NFIA: variants seen among roughly 807,000 people sequenced by gnomAD.
NFIA encodes nuclear factor I A.
In NFIA, 8 loss-of-function variants were observed where a neutral mutation model predicts 62.8. The ratio of observed to expected loss-of-function variants is 0.13; its 90% CI spans 0.07 to 0.23. The LOEUF (loss-of-function observed/expected upper bound fraction) is 0.23, where lower values mean the gene tolerates loss of function less well. Among genes scored for constraint, NFIA ranks in the 10% least tolerant of loss-of-function variants. The probability of loss-of-function intolerance (pLI) is 1.00; values close to 1 mark genes in which losing one functional copy is unlikely to be tolerated. For missense variants in NFIA, 410 were observed against 642.1 expected, an observed-to-expected ratio of 0.64 and a Z score of 3.91; for synonymous variants, 235 against 238.1, an observed-to-expected ratio of 0.99 and a Z score of 0.12.
At chr1:61,325,283 C>CAGTA (rs1400156052) in intron 3 of NFIA, among the ~76,000 whole-genome samples, 1 of 152,082 alleles carries the variant, frequency 6.6e-6, no homozygotes, top group Non-Finnish European at 1.5e-5. Flanking sequence ...TCTTACTTTG[C>CAGTA]AGTAAAGTGG....
intron 2 of NFIA, among the ~76,000 whole-genome samples, chr1:61,151,579 G>T (rs767835285): frequency 3.3e-5 from 5 of 152,054 alleles, no homozygotes; most frequent in Non-Finnish European, 5.9e-5. Flanking sequence ...TGACCCTCTG[G>T]ATCCCAGATT....
At chr1:61,098,222 A>G (rs1218683314) in intron 2 of NFIA, among the ~76,000 whole-genome samples, 3 of 152,206 alleles carry the variant, frequency 2.0e-5, no homozygotes, top group East Asian at 1.9e-4. Context: ...ACACATTAAC[A>G]TGTTGCTGAT....
chr1:61,162,212 G>A (rs142252708), intron 2 of NFIA, among the ~76,000 whole-genome samples: 1 of 152,242 alleles, frequency 6.6e-6, no homozygotes, highest in East Asian at 1.9e-4. Context: ...GTTGGAATCA[G>A]CCCCTAGAGC....
intron 2 of NFIA, among the ~76,000 whole-genome samples, chr1:61,122,631 A>G (rs1301741879): frequency 1.3e-5 from 2 of 152,124 alleles, no homozygotes; most frequent in Non-Finnish European, 1.5e-5. Context: ...AGCCTTAATA[A>G]AGTTTTAACC....
chr1:61,454,380 A>G (rs879870498), intron 10 of NFIA, among the ~76,000 whole-genome samples: 2 of 152,346 alleles, frequency 1.3e-5, no homozygotes, highest in Admixed American at 6.5e-5. Context: ...AGATAAAGTG[A>G]TATATGACCA....
At position 61,319,480 on chromosome 1, in the gene NFIA, GAAGT is replaced by G. The variant is rs568214854; in HGVS notation, c.626-13028_626-13025del. Among the ~76,000 whole-genome samples, 287 of 152,176 alleles carry G rather than the reference GAAGT, an allele frequency of 1.9e-3. 2 individuals carry two copies. The highest frequency in any genetic ancestry group is 2.6e-4 in the Non-Finnish European group (18 of 67,978). ...AAATGGTAGAATCAGAAAGATGAGA[GAAGT>G]AAGATCCCCACTTTAACTGAGTCCT... On this transcript the variant is annotated intron_variant, in intron 3 of 10. Coordinates refer to ENST00000403491, the MANE Select transcript of NFIA (RefSeq NM_001134673.4).
rs1553170602 is a variant in NFIA at position 61,306,294 on chromosome 1, T to TA, written c.626-26216dup. Among the ~76,000 whole-genome samples the TA allele has an allele frequency of 2.9e-3, 322 of 109,662 alleles. 17 individuals are homozygous for TA. Among genetic ancestry groups the TA allele is most frequent in the Middle Eastern group, 0.018 (3 of 168 alleles). The allele number at this position is 109,662 out of a possible 152,430, so 71.9% of individuals were successfully genotyped here. ...CTTTTTTTTTTTTTTTTTTTTTTTT[T>TA]AAGACAGAGTCTCACTCTGTCATCC... On this transcript the variant is annotated intron_variant, in intron 3 of 10. Coordinates refer to ENST00000403491, the MANE Select transcript of NFIA (RefSeq NM_001134673.4).
intron 2 of NFIA, among the ~76,000 whole-genome samples, chr1:61,091,835 T>G (rs1646325728): frequency 6.6e-6 from 1 of 151,928 alleles, no homozygotes; most frequent in Non-Finnish European, 1.5e-5. Flanking sequence ...CCGAGAAGTT[T>G]CTGGAGAGTT....
chr1:61,370,218 A>G (rs1187641140), intron 6 of NFIA, among the ~76,000 whole-genome samples: 2 of 152,246 alleles, frequency 1.3e-5, no homozygotes, highest in East Asian at 1.9e-4. Flanking sequence ...AGCTCTGTCC[A>G]TCCAAGGATT....
rs145626081 is a variant in NFIA, at chr1:61,166,549, T to C, written c.559+77869T>C. On this transcript the variant is annotated intron_variant, in intron 2 of 10. Transcript: ENST00000403491. ...GAAGAAACACCTACCAAACTACTTA[T>C]AGTTTATAGACTCTTAGGTGTTAAT... Among the ~76,000 whole-genome samples the C allele has an allele frequency of 9.1e-3, 1,388 of 152,236 alleles. 16 individuals carry two copies. Among genetic ancestry groups the C allele is most frequent in the Middle Eastern group, 0.061 (18 of 294 alleles).
chr1:61,444,252 C>G (rs756657152), intron 10 of NFIA, among the ~76,000 whole-genome samples: 1 of 152,160 alleles, frequency 6.6e-6, no homozygotes, highest in Non-Finnish European at 1.5e-5. Flanking sequence ...AACTAGAATG[C>G]CTTTTAGGGA....
intron 2 of NFIA, among the ~76,000 whole-genome samples, chr1:61,193,118 A>G (rs1651756992): frequency 1.3e-5 from 2 of 152,204 alleles, no homozygotes; most frequent in Admixed American, 6.5e-5. Flanking sequence ...GGGGGAAAAC[A>G]TGGCTATTAT....
chr1:61,248,356 T>C (rs182542677), intron 2 of NFIA, among the ~76,000 whole-genome samples: 1 of 152,318 alleles, frequency 6.6e-6, no homozygotes, highest in East Asian at 1.9e-4. Flanking sequence ...CAGAACTTCC[T>C]GAAGCACAAA....
At position 61,460,905 on chromosome 1, in the gene NFIA, A is replaced by T. The variant is rs1290869736; in HGVS notation, c.*5585A>T. 1 of 152,190 alleles carries T rather than the reference A, an allele frequency of 6.6e-6. No individual in the cohort carries two copies. The highest frequency in any genetic ancestry group is 2.4e-5 in the African/African-American group (1 of 41,448). The allele number at this position is 152,190 out of a possible 1,614,324, so 9.4% of individuals were successfully genotyped here. On this transcript the variant is annotated 3_prime_UTR_variant, in exon 11 of 11. Transcript: ENST00000403491. ...GTTCTTGTCAGCTAGGTTTAAAGGT[A>T]TTTCACTGAGAACGCAAATTCTGTC...
At chr1:61,169,326 G>A (rs1422274090) in intron 2 of NFIA, among the ~76,000 whole-genome samples, 1 of 152,058 alleles carries the variant, frequency 6.6e-6, no homozygotes, top group East Asian at 1.9e-4. Flanking sequence ...AGTCAAACTT[G>A]ATTTCTTGCT....
chr1:61,086,610 A>G (rs1473060324), intron 1 of NFIA, among the ~76,000 whole-genome samples: 1 of 152,186 alleles, frequency 6.6e-6, no homozygotes, highest in Non-Finnish European at 1.5e-5. Flanking sequence ...CAGAGAGGAA[A>G]AAAGTCAGTT....
chr1:61,159,474 G>A (rs760150361), intron 2 of NFIA, among the ~76,000 whole-genome samples: 4 of 152,092 alleles, frequency 2.6e-5, no homozygotes, highest in Non-Finnish European at 4.4e-5. Context: ...TTTCTGACAA[G>A]CTCGCTGAGA....
intron 2 of NFIA, among the ~76,000 whole-genome samples, chr1:61,217,922 AT>A (rs2100612760): frequency 6.6e-6 from 1 of 152,360 alleles, no homozygotes; most frequent in African/African-American, 2.4e-5. Context: ...TCATACCTAT[AT>A]TATGGCACTG....
chr1:61,204,121 G>A (rs1034150059), intron 2 of NFIA, among the ~76,000 whole-genome samples: 15 of 152,198 alleles, frequency 9.9e-5, no homozygotes, highest in East Asian at 5.8e-4. Context: ...CTGGACGGGG[G>A]CCTTTCTGCA....
Sources: allele counts gnomAD v4.1 joint callset (sites outside exome capture counted in the v4.1 genomes callset), GRCh38; gene constraint gnomAD v4.1.1; transcripts MANE v1.5; gene names NCBI Gene and HGNC (gene_info 2026-07-23, HGNC 2026-07-21).